RNF213: variants seen among roughly 807,000 people sequenced by gnomAD.
RNF213 encodes ring finger protein 213.
In RNF213, 341 loss-of-function variants were observed where a neutral mutation model predicts 514.4. That is an observed-to-expected ratio of 0.66 (90% CI 0.61 to 0.73). The LOEUF is 0.73. RNF213 is among the 30% of genes least tolerant of loss of function. The pLI, the probability that RNF213 is intolerant of heterozygous loss-of-function variation, is 0.00. For synonymous variants in RNF213, 2,655 were observed against 2,658.2 expected (o/e 1.00, Z 0.04); for missense variants, 5,767 against 6,615.6 (o/e 0.87, Z 4.45).
rs1030264861 is a variant in RNF213, at chr17:80,383,943, C to T, written c.14322+15C>T. On this transcript the variant is annotated intron_variant, in intron 59 of 67. Coordinates refer to ENST00000582970, the MANE Select transcript of RNF213 (RefSeq NM_001256071.3). ...TCCTGCAGAAGGTATGTCTGGCTTA[C>T]TGTGGCTCCCTCCCTCTTTCGGTGC... 1 of 1,614,038 alleles carries T rather than the reference C, an allele frequency of 6.2e-7. No individual in the cohort carries two copies. Among genetic ancestry groups the T allele is most frequent in the African/African-American group, 1.3e-5 (1 of 74,920 alleles).
chr17:80,387,403 G>T (rs1393250539), intron 63 of RNF213, among the ~76,000 whole-genome samples: 2 of 152,182 alleles, frequency 1.3e-5, no homozygotes, highest in Non-Finnish European at 2.9e-5. Context: ...ACTGCACCCA[G>T]CTGATTGTTG....
intron 11 of RNF213, 61 bp from the exon 12 acceptor site, chr17:80,306,191 T>C: frequency 3.3e-6 from 5 of 1,508,228 alleles, no homozygotes; most frequent in Non-Finnish European, 3.7e-6. Context: ...ATTGGTTTCC[T>C]CCATTTTCCC....
At position 80,386,879 on chromosome 17, in the gene RNF213, G is replaced by C. The variant is rs759860829; in HGVS notation, c.14910G>C (p.Arg4970=). The C allele has an allele frequency of 6.2e-7, 1 of 1,612,482 alleles. No homozygotes were observed. Residue 4970 remains arginine (R), a synonymous_variant, in exon 63 of 68, where the codon CGG becomes CGC. Transcript: ENST00000582970. The part of the protein sequence containing the change: ...IVSRFLQGKP[R]LSLKGIPTLV... ...GCCGCTTCCTCCAGGGCAAGCCCCGGCTGAGCCTCAAGGTAGGGCTGACTC... is the reference window on the plus strand; with the variant it reads ...GCCGCTTCCTCCAGGGCAAGCCCCGCCTGAGCCTCAAGGTAGGGCTGACTC...
intron 11 of RNF213, among the ~76,000 whole-genome samples, chr17:80,305,725 CCTCA>C (rs2045335103): frequency 6.6e-6 from 1 of 151,782 alleles, no homozygotes; most frequent in African/African-American, 2.4e-5. Flanking sequence ...GATTCTTCTG[CCTCA>C]GCCTCCTGAG....
At chr17:80,388,967 C>G (rs2080350368) in intron 64 of RNF213, 13 of 625,792 alleles carry the variant, frequency 2.1e-5, no homozygotes, top group South Asian at 2.1e-4. Context: ...TGTTCCTGCT[C>G]TCCGCATGCG....
chr17:80,340,815 G>GT (rs1167053082), intron 26 of RNF213: 7 of 162,986 alleles, frequency 4.3e-5, no homozygotes, highest in Admixed American at 2.9e-4. Flanking sequence ...TTTGTTTTTT[G>GT]TTTTTTTGAG....
chr17:80,324,753 G>T (rs927399316), intron 17 of RNF213, among the ~76,000 whole-genome samples: 1 of 152,066 alleles, frequency 6.6e-6, no homozygotes, highest in Non-Finnish European at 1.5e-5. Context: ...GTAGAAACTG[G>T]CAGCCAGAAG....
At chr17:80,363,033 T>C in intron 39 of RNF213, 69 bp from the exon 40 acceptor site, 1 of 1,408,748 alleles carries the variant, frequency 7.1e-7, no homozygotes, top group South Asian at 1.2e-5. Flanking sequence ...ATAGTTCGGA[T>C]TTCCCACGGG....
In RNF213 at chr17:80,343,505, G is replaced by A. The variant is rs897569007; in HGVS notation, c.6183+180G>A. Among the ~76,000 whole-genome samples, 2 of 152,144 alleles carry A rather than the reference G, an allele frequency of 1.3e-5. No homozygotes were observed. The highest frequency in any genetic ancestry group is 2.9e-5 in the Non-Finnish European group (2 of 68,034). ...CAGGCAGTTTCCTCCTTGTGTGAACGTCATGGTGTGCGCTTACACTAACCT... is the reference window on the plus strand; with the variant it reads ...CAGGCAGTTTCCTCCTTGTGTGAACATCATGGTGTGCGCTTACACTAACCT... On this transcript the variant is annotated intron_variant, in intron 27 of 67. Coordinates refer to ENST00000582970, the MANE Select transcript of RNF213 (RefSeq NM_001256071.3). The surrounding 1 kb of genome is among the most constrained non-coding windows in gnomAD (Gnocchi z 4.3).
intron 22 of RNF213, among the ~76,000 whole-genome samples, chr17:80,335,907 G>T (rs185192115): frequency 1.3e-5 from 2 of 151,780 alleles, no homozygotes; most frequent in East Asian, 3.9e-4. Flanking sequence ...AACCTGGAAG[G>T]TGGAGGTTGC....
chr17:80,359,956 T>G (rs2078993870), intron 37 of RNF213, 105 bp from the exon 38 acceptor site: 2 of 1,233,864 alleles, frequency 1.6e-6, no homozygotes, highest in South Asian at 1.3e-5. Context: ...GTTGGCCCCT[T>G]TGTTTTTGAG....
At position 80,346,959 on chromosome 17, in the gene RNF213, C is replaced by T. The variant is rs1295946776; in HGVS notation, c.8624C>T (p.Pro2875Leu). Residue 2875 changes from proline (P) to leucine (L), a missense_variant, in exon 29 of 68, where the codon CCC (proline) becomes CTC (leucine). Pro to Leu is a moderately conservative substitution (Grantham distance 98, BLOSUM62 -3). Around this residue, in one of 13 missense-constraint regions of RNF213, gnomAD observed 919 missense variants for 1,121.0 expected, o/e 0.82. Coordinates refer to ENST00000582970, the MANE Select transcript of RNF213 (RefSeq NM_001256071.3). This position sits in a 1 kb window ranked among gnomAD's most constrained non-coding sequence, Gnocchi z 8.1. ...EDGCIEDDPA[P>L]HKKVGFVGIS... Reference sequence around the variant, plus strand: ...GGATGCATTGAAGACGATCCCGCCCCCCACAAAAAGGTCGGCTTCGTGGGC... The same window carrying T: ...GGATGCATTGAAGACGATCCCGCCCTCCACAAAAAGGTCGGCTTCGTGGGC... The T allele has an allele frequency of 6.8e-6, 11 of 1,613,806 alleles. No individual in the cohort carries two copies. Among genetic ancestry groups the T allele is most frequent in the Admixed American group, 1.7e-5 (1 of 59,966 alleles).
intron 64 of RNF213, 152 bp from the exon 65 acceptor site, chr17:80,389,021 C>G: frequency 1.4e-6 from 1 of 710,226 alleles, no homozygotes; most frequent in Non-Finnish European, 2.5e-6. Flanking sequence ...CCTCCAGGAA[C>G]TGCCTGCACA....
chr17:80,287,844 GAAGGGGAACAAGT>G lies in RNF213; in HGVS notation c.292_304del (p.Lys98ProfsTer19). The G allele has an allele frequency of 6.2e-7, 1 of 1,610,492 alleles. No individual in the cohort carries two copies. Among genetic ancestry groups the G allele is most frequent in the Non-Finnish European group, 8.5e-7 (1 of 1,178,128 alleles). On this transcript the variant is annotated frameshift_variant, in exon 4 of 68. Coordinates refer to ENST00000582970, the MANE Select transcript of RNF213 (RefSeq NM_001256071.3). LOFTEE classifies it high-confidence loss of function. ...AAAAGAAGAAAAGGAAGAAGAAAAA[GAAGGGGAACAAGT>G]CCGCTTCCTCAGAGCTGGCTTCCTT...
At chr17:80,297,811 C>T (rs2045015875) in intron 10 of RNF213, among the ~76,000 whole-genome samples, 1 of 147,666 alleles carries the variant, frequency 6.8e-6, no homozygotes, top group Non-Finnish European at 1.5e-5. Flanking sequence ...AAAAATGTAG[C>T]TAGCTGGGTG....
intron 42 of RNF213, among the ~76,000 whole-genome samples, chr17:80,366,172 C>T (rs377163517): frequency 7.6e-4 from 115 of 152,288 alleles, no homozygotes; most frequent in African/African-American, 2.5e-3. Context: ...CTCCCTCGGC[C>T]GGGCAGGAAG....
intron 17 of RNF213, among the ~76,000 whole-genome samples, chr17:80,324,240 T>G (rs1252177792): frequency 6.6e-6 from 1 of 152,224 alleles, no homozygotes; most frequent in African/African-American, 2.4e-5. Context: ...TAGATGCCCT[T>G]TATCAGTTTG....
intron 8 of RNF213, 91 bp downstream of exon 8, chr17:80,291,918 CTT>C: frequency 4.2e-6 from 6 of 1,425,550 alleles, no homozygotes; most frequent in Non-Finnish European, 5.8e-6. Context: ...AGAGCACAGA[CTT>C]TGCCTGGGCA....
At chr17:80,314,946 C>A (rs1438872399) in intron 15 of RNF213, among the ~76,000 whole-genome samples, 3 of 3,460 alleles carry the variant, frequency 8.7e-4, no homozygotes, top group Non-Finnish European at 1.4e-3. Flanking sequence ...GGTGGAGGTA[C>A]TGGAGGTGAT....
Sources: gnomAD v4.1 joint callset for allele counts (sites outside exome capture counted in the v4.1 genomes callset) on GRCh38, gnomAD v4.1.1 for gene constraint, gnomAD v4.1.1 regional missense constraint, Gnocchi (gnomAD v3.1) non-coding constraint, MANE v1.5 for transcripts, NCBI Gene and HGNC (gene_info 2026-07-23, HGNC 2026-07-21) for gene names.